ATP13A5: variants seen among roughly 807,000 people sequenced by gnomAD.
ATP13A5 encodes the protein probable cation-transporting ATPase 13A5.
In ATP13A5, 149 loss-of-function variants were observed where a neutral mutation model predicts 150.2. That is an observed-to-expected ratio of 0.99 (90% CI 0.87 to 1.14). The LOEUF (loss-of-function observed/expected upper bound fraction) is 1.14. Among genes scored for constraint, ATP13A5 ranks in the 50% most tolerant of loss-of-function variants. ATP13A5 has a pLI of 0.00. For missense variants in ATP13A5, 1,383 were observed against 1,449.3 expected, an observed-to-expected ratio of 0.95 and a Z score of 0.74; for synonymous variants, 497 against 522.2, an observed-to-expected ratio of 0.95 and a Z score of 0.66.
At chr3:193,342,746 C>T (rs1002191710) in intron 9 of ATP13A5, among the ~76,000 whole-genome samples, 3 of 152,144 alleles carry the variant, frequency 2.0e-5, no homozygotes, top group Admixed American at 6.6e-5. Context: ...TTCTGTGTTT[C>T]CTCCCCATGT....
At position 193,354,182 on chromosome 3, in the gene ATP13A5, C is replaced by A; in HGVS notation, c.551G>T (p.Gly184Val). The A allele has an allele frequency of 1.9e-6, 3 of 1,612,452 alleles. No homozygotes were observed. Among genetic ancestry groups the A allele is most frequent in the Non-Finnish European group, 2.5e-6 (3 of 1,179,566 alleles). ...GATTTCAACCTCAATGGCGTTGGGC[C>A]CACACACTAATCTTCTGCGGGAAAT... Reference protein sequence around the residue: ...EEQEVRRLVCGPNAIEVEIQP... With the variant: ...EEQEVRRLVCVPNAIEVEIQP... The change falls in exon 6 of 30, where the codon GGG becomes GTG. Residue 184 changes from glycine to valine, a missense_variant. Physicochemically the swap from Gly to Val is moderately radical, Grantham distance 109 (BLOSUM62 -3). This residue lies in a region of ATP13A5 where 787 missense variants were observed against 771.9 expected (regional missense o/e 1.02). Coordinates refer to ENST00000342358, the MANE Select transcript of ATP13A5 (RefSeq NM_198505.4).
Position 193,319,113 on chromosome 3 carries a change from C to G in ATP13A5, c.1916-5G>C. 1.2e-6 allele frequency: 2 copies of G among 1,610,304 alleles called. No individual in the cohort carries two copies. The highest frequency in any genetic ancestry group is 1.7e-6 in the Non-Finnish European group (2 of 1,176,732). ...CCTGTGGGAAATTCTTGGGCACTGC[C>G]AGGGTAGAAGAAACAGGTAAGTGTA... is the stretch of plus-strand genomic sequence containing the variant. On this transcript the variant is annotated splice_polypyrimidine_tract_variant and splice_region_variant and intron_variant, in intron 16 of 29. Transcript: ENST00000342358.
intron 9 of ATP13A5, among the ~76,000 whole-genome samples, chr3:193,336,850 C>T (rs1325160580): frequency 6.6e-6 from 1 of 152,188 alleles, no homozygotes; most frequent in South Asian, 2.1e-4. Context: ...TACAGTCCCA[C>T]CAACAGTGTA....
chr3:193,354,979 C>T (rs1712725430), intron 5 of ATP13A5, among the ~76,000 whole-genome samples: 1 of 141,158 alleles, frequency 7.1e-6, no homozygotes, highest in Admixed American at 7.3e-5. Context: ...GTTGCCCAGG[C>T]TGGAATGCAA....
At chr3:193,324,741 T>C in intron 14 of ATP13A5, 123 bp downstream of exon 14, 1 of 1,078,362 alleles carries the variant, frequency 9.3e-7, no homozygotes, top group Non-Finnish European at 1.3e-6. Flanking sequence ...TCTGGTAGTG[T>C]TACACGCTTA....
intron 27 of ATP13A5, among the ~76,000 whole-genome samples, chr3:193,283,413 C>A (rs1434327212): frequency 5.4e-5 from 2 of 36,998 alleles, no homozygotes; most frequent in Non-Finnish European, 8.9e-5. Flanking sequence ...AAACAGCAAT[C>A]CAACAGAAAA....
At chr3:193,338,707 T>C (rs1431919547) in intron 9 of ATP13A5, among the ~76,000 whole-genome samples, 1 of 152,158 alleles carries the variant, frequency 6.6e-6, no homozygotes, top group Non-Finnish European at 1.5e-5. Context: ...TTTTTTGTTG[T>C]GTCTCTGCCA....
intron 29 of ATP13A5, among the ~76,000 whole-genome samples, chr3:193,276,160 C>T (rs1167285012): frequency 6.6e-6 from 1 of 151,874 alleles, no homozygotes; most frequent in Non-Finnish European, 1.5e-5. Context: ...TTGGTTGATC[C>T]CTTTTCCAAA....
intron 1 of ATP13A5, among the ~76,000 whole-genome samples, chr3:193,378,087 T>C (rs1713706440): frequency 1.3e-5 from 2 of 152,068 alleles, no homozygotes; most frequent in South Asian, 4.1e-4. Context: ...TGTGTGTGTG[T>C]GTGTGTGTGT....
intron 23 of ATP13A5, among the ~76,000 whole-genome samples, chr3:193,303,549 T>C (rs750031467): frequency 7.9e-5 from 12 of 152,096 alleles, no homozygotes; most frequent in Non-Finnish European, 1.3e-4. Flanking sequence ...TATGTTAATG[T>C]ATGTATATAT....
intron 13 of ATP13A5, among the ~76,000 whole-genome samples, 197 bp downstream of exon 13, chr3:193,326,799 T>C (rs901225626): frequency 3.9e-5 from 6 of 152,222 alleles, no homozygotes; most frequent in African/African-American, 1.4e-4. Context: ...TTCATGGAGA[T>C]TTTGAAGACC....
chr3:193,276,345 G>T (rs1348178111), intron 29 of ATP13A5, among the ~76,000 whole-genome samples: 1 of 152,178 alleles, frequency 6.6e-6, no homozygotes, highest in African/African-American at 2.4e-5. Flanking sequence ...ACTAGAATAA[G>T]CAACGGCTTC....
chr3:193,314,313 T>A, intron 18 of ATP13A5, 120 bp from the exon 19 acceptor site: 1 of 1,092,036 alleles, frequency 9.2e-7, no homozygotes. Context: ...CTTTCTGCCT[T>A]ATTTTATCTT....
chr3:193,364,072 A>G (rs1713145016), intron 2 of ATP13A5, 35 bp downstream of exon 2: 1 of 1,606,888 alleles, frequency 6.2e-7, no homozygotes. Context: ...AGACACGATC[A>G]TGGCTTTCAA....
intron 21 of ATP13A5, among the ~76,000 whole-genome samples, chr3:193,309,433 T>C (rs1718753712): frequency 6.6e-6 from 1 of 152,194 alleles, no homozygotes; most frequent in South Asian, 2.1e-4. Flanking sequence ...ATATGCCTTA[T>C]GGCCCACAGA....
rs1489224637 is a variant in ATP13A5, at chr3:193,364,383, G to C, written c.64-103C>G. On this transcript the variant is annotated intron_variant, in intron 1 of 29. Transcript: ENST00000342358. ...CTTGAGATGAAAGAATGTTGGCTGG[G>C]AGACAAATCTGGTTATAGGTGGTTA... is the stretch of plus-strand genomic sequence containing the variant. The C allele has an allele frequency of 3.5e-6, 5 of 1,412,720 alleles. No homozygotes were observed. The Admixed American group carries it at 8.3e-5, about 23-fold the overall frequency. The allele number at this position is 1,412,720 out of a possible 1,614,324, so 87.5% of individuals were successfully genotyped here.
intron 6 of ATP13A5, among the ~76,000 whole-genome samples, chr3:193,353,318 T>TAAA (rs5855482): frequency 1.3e-5 from 2 of 148,488 alleles, no homozygotes; most frequent in African/African-American, 2.5e-5. Flanking sequence ...AGGTAAGCAT[T>TAAA]AAAAAAAAAA....
intron 9 of ATP13A5, among the ~76,000 whole-genome samples, chr3:193,335,596 G>A (rs1253103126): frequency 6.6e-6 from 1 of 152,100 alleles, no homozygotes; most frequent in African/African-American, 2.4e-5. Context: ...CAGAAATCTT[G>A]CCCTCATAAG....
chr3:193,286,090 T>C (rs1428609098), intron 26 of ATP13A5, among the ~76,000 whole-genome samples: 2 of 152,198 alleles, frequency 1.3e-5, no homozygotes, highest in East Asian at 1.9e-4. Context: ...GTCCAAGATA[T>C]GAGCTTTCCC....
Sources: allele counts gnomAD v4.1 joint callset (sites outside exome capture counted in the v4.1 genomes callset), GRCh38; gene constraint gnomAD v4.1.1; regional missense constraint gnomAD v4.1.1; transcripts MANE v1.5; gene names NCBI Gene and HGNC (gene_info 2026-07-23, HGNC 2026-07-21).